ATG10: variants seen among roughly 807,000 people sequenced by gnomAD.
ATG10 encodes ubiquitin-like-conjugating enzyme ATG10.
Under a neutral mutation model 32.1 loss-of-function variants are expected in ATG10, and 30 were observed. That is an observed-to-expected ratio of 0.94 (90% CI 0.70 to 1.27). The LOEUF (loss-of-function observed/expected upper bound fraction) is 1.27, where lower values mean the gene tolerates loss of function less well. Among genes scored for constraint, ATG10 ranks in the 50% most tolerant of loss-of-function variants. ATG10 has a pLI of 0.00. For missense variants in ATG10, 233 were observed against 262.3 expected (o/e 0.89, Z 0.77); for synonymous variants, 87 against 91.5 (o/e 0.95, Z 0.28).
chr5:81,975,923 A>G (rs1355529905), intron 1 of ATG10, among the ~76,000 whole-genome samples: 1 of 151,968 alleles, frequency 6.6e-6, no homozygotes, highest in East Asian at 1.9e-4. Context: ...TGAAGCTTGA[A>G]TAGAAAGATG....
At chr5:82,164,338 T>C in intron 3 of ATG10, 61 bp from the exon 4 acceptor site, 2 of 1,500,568 alleles carry the variant, frequency 1.3e-6, no homozygotes, top group Non-Finnish European at 1.8e-6. Context: ...TCTTTTCCTC[T>C]CCATGTTAGT....
At chr5:82,117,447 G>A (rs538558120) in intron 3 of ATG10, among the ~76,000 whole-genome samples, 23 of 151,994 alleles carry the variant, frequency 1.5e-4, no homozygotes, top group Non-Finnish European at 2.5e-4. Flanking sequence ...TTTCCTTGTT[G>A]TCTGCTTCAG....
intron 5 of ATG10, among the ~76,000 whole-genome samples, chr5:82,227,386 TA>T (rs1165555122): frequency 6.7e-5 from 10 of 149,056 alleles, no homozygotes; most frequent in South Asian, 2.2e-4. Context: ...ATTTTATTAT[TA>T]TTTTTTTGAG....
At chr5:82,127,185 A>G (rs924656920) in intron 3 of ATG10, among the ~76,000 whole-genome samples, 3 of 151,894 alleles carry the variant, frequency 2.0e-5, no homozygotes, top group Non-Finnish European at 2.9e-5. Context: ...CTTCTTTATT[A>G]TTCTGGCTAG....
At chr5:81,985,946 G>A (rs1289729924) in intron 1 of ATG10, among the ~76,000 whole-genome samples, 1 of 152,038 alleles carries the variant, frequency 6.6e-6, no homozygotes, top group Non-Finnish European at 1.5e-5. Flanking sequence ...GTATTTTTTA[G>A]TAGCGACGGG....
At chr5:82,252,687 C>T (rs1747316268) in intron 6 of ATG10, 28 bp downstream of exon 6, 2 of 1,317,060 alleles carry the variant, frequency 1.5e-6, no homozygotes, top group Non-Finnish European at 2.1e-6. Flanking sequence ...GATACATTGG[C>T]TTCTACTCTG....
At chr5:82,117,048 A>C (rs905080281) in intron 3 of ATG10, among the ~76,000 whole-genome samples, 9 of 152,078 alleles carry the variant, frequency 5.9e-5, no homozygotes, top group Non-Finnish European at 1.0e-4. Context: ...TTTAGTTAGG[A>C]CCACCGTGCT....
At chr5:82,217,891 C>T (rs1037195897) in intron 5 of ATG10, among the ~76,000 whole-genome samples, 17 of 151,734 alleles carry the variant, frequency 1.1e-4, no homozygotes, top group Admixed American at 3.3e-4. Flanking sequence ...GTAGGAGGCT[C>T]GCTTGACCCC....
intron 1 of ATG10, among the ~76,000 whole-genome samples, chr5:81,986,178 G>A (rs1761264448): frequency 6.6e-6 from 1 of 152,166 alleles, no homozygotes; most frequent in Non-Finnish European, 1.5e-5. Context: ...AAAGTGCTGG[G>A]TGAGCCACCG....
At chr5:82,137,122 C>G (rs2149851648) in intron 3 of ATG10, among the ~76,000 whole-genome samples, 2 of 152,168 alleles carry the variant, frequency 1.3e-5, no homozygotes, top group South Asian at 4.1e-4. Flanking sequence ...ACCCATTTTT[C>G]AAGGTTCTTA....
At chr5:82,208,066 A>G (rs988127939) in intron 5 of ATG10, among the ~76,000 whole-genome samples, 1 of 152,192 alleles carries the variant, frequency 6.6e-6, no homozygotes, top group African/African-American at 2.4e-5. Flanking sequence ...TCTCAGCACT[A>G]TTTATGAAAA....
rs533063460 is a variant in ATG10 at position 81,979,180 on chromosome 5, G to A, written c.-13+6874G>A. Among the ~76,000 whole-genome samples the A allele has an allele frequency of 1.2e-3, 176 of 152,142 alleles. 2 individuals are homozygous for A. Among genetic ancestry groups the A allele is most frequent in the Admixed American group, 2.3e-3 (35 of 15,286 alleles). ...TTCCCAAAGTGCTGGGATTACAGGCGTGAGCCACGGTGCCTGGTCTGAATT... is the reference window on the plus strand; with the variant it reads ...TTCCCAAAGTGCTGGGATTACAGGCATGAGCCACGGTGCCTGGTCTGAATT... On this transcript the variant is annotated intron_variant, in intron 1 of 7. Coordinates refer to ENST00000282185, the MANE Select transcript of ATG10 (RefSeq NM_031482.5).
At chr5:81,999,941 G>C (rs1334632576) in intron 2 of ATG10, among the ~76,000 whole-genome samples, 2 of 152,122 alleles carry the variant, frequency 1.3e-5, no homozygotes, top group East Asian at 3.9e-4. Context: ...CTGAATTCTA[G>C]ATGTGTAAAG....
chr5:82,141,359 A>G (rs1767127837), intron 3 of ATG10, among the ~76,000 whole-genome samples: 1 of 152,186 alleles, frequency 6.6e-6, no homozygotes, highest in South Asian at 2.1e-4. Context: ...TTCAATCACA[A>G]TCATTACTTA....
chr5:82,139,120 A>G (rs1324249341), intron 3 of ATG10, among the ~76,000 whole-genome samples: 1 of 146,050 alleles, frequency 6.8e-6, no homozygotes, highest in South Asian at 2.2e-4. Context: ...CCGGGATTGC[A>G]GACGGAGTCT....
intron 3 of ATG10, among the ~76,000 whole-genome samples, chr5:82,160,166 G>T (rs1743256861): frequency 6.6e-6 from 1 of 152,080 alleles, no homozygotes; most frequent in African/African-American, 2.4e-5. Context: ...ATCTCATGTT[G>T]CCGTTTTATA....
intron 3 of ATG10, among the ~76,000 whole-genome samples, chr5:82,157,799 C>T (rs1184196376): frequency 6.6e-6 from 1 of 152,150 alleles, no homozygotes; most frequent in Non-Finnish European, 1.5e-5. Flanking sequence ...GTCCAGTCTT[C>T]AGTACAGCTA....
chr5:82,127,391 A>G (rs1766322028), intron 3 of ATG10, among the ~76,000 whole-genome samples: 1 of 151,962 alleles, frequency 6.6e-6, no homozygotes, highest in Non-Finnish European at 1.5e-5. Context: ...TCAGTTTTAG[A>G]TCTTTCCTGC....
rs1581731692 is a variant in ATG10 at position 82,139,478 on chromosome 5, G to A, written c.217-24921G>A. ...CCGCCCATCGTCTGAGATGTGGGGA[G>A]CGCCTCTGCCCCGCCGCCCCATCTG... On this transcript the variant is annotated intron_variant, in intron 3 of 7. Transcript: ENST00000282185. Among the ~76,000 whole-genome samples the A allele has an allele frequency of 2.9e-5, 4 of 138,166 alleles. No homozygotes were observed. The East Asian group carries it at 9.2e-4, about 32-fold the overall frequency. The allele number at this position is 138,166 out of a possible 152,430, so 90.6% of individuals were successfully genotyped here.
Sources: allele counts gnomAD v4.1 joint callset (sites outside exome capture counted in the v4.1 genomes callset), GRCh38; gene constraint gnomAD v4.1.1; transcripts MANE v1.5; gene names NCBI Gene and HGNC (gene_info 2026-07-23, HGNC 2026-07-21).